Variants in LSS observed in about 807,000 individuals in gnomAD.
The protein encoded by LSS is 2,3-epoxysqualene-lanosterol cyclase.
In LSS, 90 loss-of-function variants were observed where a neutral mutation model predicts 110.3. The observed-to-expected ratio is 0.82, with a 90% CI of 0.69 to 0.97. The LOEUF (loss-of-function observed/expected upper bound fraction) is 0.97. Ranked by LOEUF, LSS falls within the 50% of genes least tolerant of loss-of-function variation. The pLI is 0.00. For synonymous variants in LSS, 433 were observed against 400.0 expected (o/e 1.08, Z -0.98); for missense variants, 927 against 990.0 (o/e 0.94, Z 0.85).
chr21:46,226,582 G>A (rs1046836706), intron 3 of LSS, among the ~76,000 whole-genome samples: 3 of 152,246 alleles, frequency 2.0e-5, no homozygotes, highest in Non-Finnish European at 2.9e-5. Context: ...TGGAATAAAT[G>A]TGCCTCAGCT....
rs1389537721 is a variant in LSS, at chr21:46,190,817, G to A, written c.*287C>T. On this transcript the variant is annotated 3_prime_UTR_variant, in exon 22 of 22. Coordinates refer to ENST00000397728, the MANE Select transcript of LSS (RefSeq NM_002340.6). This position sits in a 1 kb window ranked among gnomAD's most constrained non-coding sequence, Gnocchi z 4.6. ...CACTACCTTGAGGCCGTGCCCAGAG[G>A]TGGCAGAAGGCGCTGTGCCTCCTCA... is the stretch of plus-strand genomic sequence containing the variant. The A allele has an allele frequency of 2.3e-6, 1 of 437,350 alleles. No individual in the cohort carries two copies. The highest frequency in any genetic ancestry group is 4.1e-6 in the Non-Finnish European group (1 of 242,062). 27.1% of individuals were successfully genotyped at this position (437,350 alleles called of 1,614,324 possible).
In LSS at chr21:46,190,865, C is replaced by G. The variant is rs183600339; in HGVS notation, c.*239G>C. The G allele has an allele frequency of 4.9e-4, 262 of 535,574 alleles. 27 individuals carry two copies. In the African/African-American group the frequency reaches 5.8e-3, roughly 12 times the overall value. 33.2% of individuals were successfully genotyped at this position (535,574 alleles called of 1,614,324 possible). On this transcript the variant is annotated 3_prime_UTR_variant, in exon 22 of 22. Transcript: ENST00000397728. The surrounding 1 kb of genome is among the most constrained non-coding windows in gnomAD (Gnocchi z 4.6). ...TCAGGGGTCACGGCTCCTGTGCCCCCTTCCTCACCCAAGCCCGACAAGCTA... is the reference window on the plus strand; with the variant it reads ...TCAGGGGTCACGGCTCCTGTGCCCCGTTCCTCACCCAAGCCCGACAAGCTA...
chr21:46,201,920 C>A (rs2079982878), intron 17 of LSS, among the ~76,000 whole-genome samples: 1 of 150,268 alleles, frequency 6.7e-6, no homozygotes, highest in Admixed American at 6.6e-5. Flanking sequence ...GCCTCAGCCT[C>A]CCGAGTAGCT....
chr21:46,199,344 G>A lies in LSS; in HGVS notation c.1671-3077C>T, dbSNP rs77355427. 1.5e-3 allele frequency among the ~76,000 whole-genome samples: 232 copies of A among 152,254 alleles called. 1 individual carries two copies. Among genetic ancestry groups the A allele is most frequent in the African/African-American group, 4.9e-3 (204 of 41,542 alleles). The stretch of plus-strand genomic sequence containing the variant: ...ATACCACTACACACCTCTTAGAAAG[G>A]CTAAAACCCAAAACACAACAGCAAA... On this transcript the variant is annotated intron_variant, in intron 17 of 21. Coordinates refer to ENST00000397728, the MANE Select transcript of LSS (RefSeq NM_002340.6).
intron 6 of LSS, among the ~76,000 whole-genome samples, chr21:46,217,624 C>A (rs1463927352): frequency 6.6e-6 from 1 of 152,194 alleles, no homozygotes; most frequent in Non-Finnish European, 1.5e-5. Flanking sequence ...CCTCCTTTCA[C>A]CTCCCAACCC....
chr21:46,215,209 G>T lies in LSS; in HGVS notation c.982C>A (p.Arg328=). 6.2e-7 allele frequency: 1 copy of T among 1,610,870 alleles called. No homozygotes were observed. The highest frequency in any genetic ancestry group is 8.5e-7 in the Non-Finnish European group (1 of 1,179,898). Residue 328 remains arginine, a synonymous_variant, in exon 9 of 22, where the codon CGA becomes AGA. Coordinates refer to ENST00000397728, the MANE Select transcript of LSS (RefSeq NM_002340.6). ...CCGATGCTGATGCTCTTGGTGAATC[G>T]GTCGTCGGCCACAATGTGTTCATAC... ...KLYEHIVADD[R]FTKSISIGPI...
intron 11 of LSS, 81 bp downstream of exon 11, chr21:46,212,944 T>C (rs2080152208): frequency 1.3e-6 from 2 of 1,565,080 alleles, no homozygotes; most frequent in Non-Finnish European, 1.8e-6. Flanking sequence ...GGAGGAGTTA[T>C]TTCTGAACCC....
chr21:46,228,610 C>A lies in LSS; in HGVS notation c.15-11G>T, dbSNP rs755215822. 9 of 1,592,220 alleles carry A rather than the reference C, an allele frequency of 5.7e-6. No individual in the cohort carries two copies. In the East Asian group the frequency reaches 1.6e-4, roughly 28 times the overall value. The stretch of plus-strand genomic sequence containing the variant: ...CGGCGCCGCAGACACCTGAGGACCA[C>A]CGGCCATCAGCGACCCAGGCCCCGC... On this transcript the variant is annotated splice_polypyrimidine_tract_variant and intron_variant, in intron 1 of 21. Transcript: ENST00000397728.
At chr21:46,227,402 G>A (rs1350146342) in intron 3 of LSS, 150 bp downstream of exon 3, 9 of 904,482 alleles carry the variant, frequency 1.0e-5, no homozygotes, top group African/African-American at 3.4e-5. Context: ...ATAGCAGGAC[G>A]ACTCTGACAT....
chr21:46,213,086 G>C, intron 10 of LSS, 34 bp from the exon 11 acceptor site: 1 of 1,609,280 alleles, frequency 6.2e-7, no homozygotes. Context: ...TCAGGTGCAA[G>C]GAGAAAGCTG....
chr21:46,200,587 T>A, intron 17 of LSS, among the ~76,000 whole-genome samples: 1 of 151,324 alleles, frequency 6.6e-6, no homozygotes. Flanking sequence ...ACTGAGGATA[T>A]TCTACAAAAT....
Position 46,216,255 on chromosome 21 carries a change from G to C in LSS, c.783+134C>G. On this transcript the variant is annotated intron_variant, in intron 7 of 21. Transcript: ENST00000397728. The surrounding 1 kb of genome is among the most constrained non-coding windows in gnomAD (Gnocchi z 4.2). ...TTATTATAGGATGGAGGAAGGTGGA[G>C]GCTCTGCTCCACAGGGCTCTCCGCT... is the stretch of plus-strand genomic sequence containing the variant. 9.3e-7 allele frequency: 1 copy of C among 1,079,652 alleles called. No homozygotes were observed. The highest frequency in any genetic ancestry group is 1.4e-5 in the South Asian group (1 of 73,088). 66.9% of individuals were successfully genotyped at this position (1,079,652 alleles called of 1,614,324 possible). A position where few individuals can be genotyped will look rare whatever the true frequency, so the allele number is the denominator to read the frequency against.
At chr21:46,215,996 A>G (rs1160778723) in intron 7 of LSS, among the ~76,000 whole-genome samples, 1 of 152,078 alleles carries the variant, frequency 6.6e-6, no homozygotes, top group African/African-American at 2.4e-5. Flanking sequence ...CAGCTCCATG[A>G]GTCCCAGGTC....
chr21:46,213,996 C>G (rs559644559), intron 9 of LSS, among the ~76,000 whole-genome samples, 161 bp from the exon 10 acceptor site: 2 of 152,244 alleles, frequency 1.3e-5, no homozygotes, highest in Non-Finnish European at 2.9e-5. Flanking sequence ...ATTTCCTGAG[C>G]GAGGATGGGC....
In LSS at chr21:46,216,350, C is replaced by A. The variant is rs779039957; in HGVS notation, c.783+39G>T. 1.2e-5 allele frequency: 20 copies of A among 1,612,488 alleles called. No individual in the cohort carries two copies. Among genetic ancestry groups the A allele is most frequent in the East Asian group, 2.2e-5 (1 of 44,884 alleles). On this transcript the variant is annotated intron_variant, in intron 7 of 21. Coordinates refer to ENST00000397728, the MANE Select transcript of LSS (RefSeq NM_002340.6). This position sits in a 1 kb window ranked among gnomAD's most constrained non-coding sequence, Gnocchi z 4.2. ...AAGCCCCAGGCCCTGTGGGTCCCAG[C>A]CCCAGAGGCCTTCACTTTGTTCCCT...
intron 3 of LSS, chr21:46,224,775 A>G (rs2080316929): frequency 6.6e-6 from 1 of 151,764 alleles, no homozygotes; most frequent in African/African-American, 2.4e-5. Context: ...ACATAGCATC[A>G]TGGACCAAGA....
In LSS at chr21:46,190,035, C is replaced by G. The variant is rs2079785709; in HGVS notation, c.*1069G>C. 3.5e-6 allele frequency: 1 copy of G among 285,902 alleles called. No homozygotes were observed. Among genetic ancestry groups the G allele is most frequent in the South Asian group, 2.9e-5 (1 of 34,942 alleles). 17.7% of individuals were successfully genotyped at this position (285,902 alleles called of 1,614,324 possible). On this transcript the variant is annotated 3_prime_UTR_variant, in exon 22 of 22. Transcript: ENST00000397728. The surrounding 1 kb of genome is among the most constrained non-coding windows in gnomAD (Gnocchi z 4.6). ...GCCCAAAACCTGGCCCTCGCTCCAG[C>G]CCAGAGCACCCACCTGGGCATGAGA... is the stretch of plus-strand genomic sequence containing the variant.
intron 14 of LSS, 31 bp downstream of exon 14, chr21:46,208,220 C>T (rs562809680): frequency 1.5e-5 from 24 of 1,549,622 alleles, no homozygotes; most frequent in Middle Eastern, 1.7e-4. Context: ...CCCTGGGGGA[C>T]GGGACAGGGA....
chr21:46,228,526 C>A lies in LSS; in HGVS notation c.88G>T (p.Glu30Ter), dbSNP rs1431890538. ...TDLGRWRLNC[E>*]RGRQTWTYLQ... ...TAGGTCCACGTCTGCCGGCCCCTCTCGCAGTTGAGTCGCCAGCGGCCGAGG... is the reference window on the plus strand; with the variant it reads ...TAGGTCCACGTCTGCCGGCCCCTCTAGCAGTTGAGTCGCCAGCGGCCGAGG... The change falls in exon 2 of 22, where the codon GAG becomes TAG. Residue 30 changes from glutamate to a stop codon, truncating the protein, a stop_gained. Coordinates refer to ENST00000397728, the MANE Select transcript of LSS (RefSeq NM_002340.6). LOFTEE classifies it high-confidence loss of function. 1.9e-6 allele frequency: 3 copies of A among 1,600,480 alleles called. No individual in the cohort carries two copies. Among genetic ancestry groups the A allele is most frequent in the African/African-American group, 2.7e-5 (2 of 74,858 alleles).
Sources: gnomAD v4.1 joint callset for allele counts (sites outside exome capture counted in the v4.1 genomes callset) on GRCh38, gnomAD v4.1.1 for gene constraint, Gnocchi (gnomAD v3.1) non-coding constraint, MANE v1.5 for transcripts, NCBI Gene and HGNC (gene_info 2026-07-23, HGNC 2026-07-21) for gene names.